The following AMN1 variants were observed in gnomAD, a reference collection of about 807,000 sequenced individuals.
AMN1 encodes protein AMN1 homolog.
A neutral mutation model predicts 33.0 loss-of-function variants in AMN1; 20 were observed. That is an observed-to-expected ratio of 0.61 (90% CI 0.43 to 0.88). AMN1 has a LOEUF of 0.88. Among genes scored for constraint, AMN1 ranks in the 40% least tolerant of loss-of-function variants. AMN1 has a pLI of 0.00. For synonymous variants in AMN1, 114 were observed against 111.9 expected (o/e 1.02, Z -0.12); for missense variants, 246 against 307.4 (o/e 0.80, Z 1.49).
intron 1 of AMN1, chr12:31,715,869 C>T (rs1405441364): frequency 6.6e-6 from 1 of 152,664 alleles, no homozygotes; most frequent in Non-Finnish European, 1.5e-5. Context: ...CACCTGACCA[C>T]ACTCTGAGCT....
intron 6 of AMN1, among the ~76,000 whole-genome samples, chr12:31,682,614 T>G (rs1381962870): frequency 6.6e-6 from 1 of 151,876 alleles, no homozygotes; most frequent in African/African-American, 2.4e-5. Context: ...AGACGTTGAG[T>G]GTAGTTTGCA....
At chr12:31,690,499 G>A (rs60663805) in intron 5 of AMN1, among the ~76,000 whole-genome samples, 2,761 of 152,092 alleles carry the variant, frequency 0.018, 75 homozygotes, top group African/African-American at 0.063. Flanking sequence ...TTGCATTTCC[G>A]TAATCACAAA....
At chr12:31,686,676 A>G (rs1310408919) in intron 6 of AMN1, among the ~76,000 whole-genome samples, 1 of 152,210 alleles carries the variant, frequency 6.6e-6, no homozygotes, top group Non-Finnish European at 1.5e-5. Context: ...ATTTTTTAAT[A>G]AAGTGTTGAC....
Position 31,697,941 on chromosome 12 carries a change from A to T in AMN1, c.333T>A (p.Ala111=). The change falls in exon 4 of 7, where the codon GCT becomes GCA. Residue 111 remains alanine, a synonymous_variant. Transcript: ENST00000281471. ...CTTCGTGTAGGTATGAACAAGATGA[A>T]GCCACAGCTTTTATTCCTGGGGGAA... ...SVTSEGIKAV[A]SSCSYLHEAS... 1 of 1,613,970 alleles carries T rather than the reference A, an allele frequency of 6.2e-7. No homozygotes were observed. The highest frequency in any genetic ancestry group is 8.5e-7 in the Non-Finnish European group (1 of 1,179,842).
At chr12:31,689,513 G>A (rs1938410032) in intron 5 of AMN1, among the ~76,000 whole-genome samples, 1 of 152,096 alleles carries the variant, frequency 6.6e-6, no homozygotes, top group South Asian at 2.1e-4. Context: ...CAGCTAAAAT[G>A]AAAAATATCT....
chr12:31,678,363 A>G (rs1937832045), intron 6 of AMN1, among the ~76,000 whole-genome samples: 1 of 150,788 alleles, frequency 6.6e-6, no homozygotes, highest in Non-Finnish European at 1.5e-5. Context: ...TTGGAACACC[A>G]AGAAGAAGAA....
intron 5 of AMN1, among the ~76,000 whole-genome samples, chr12:31,696,565 T>G (rs2139685024): frequency 6.6e-6 from 1 of 152,246 alleles, no homozygotes; most frequent in Admixed American, 6.5e-5. Flanking sequence ...ATAAAAGGCT[T>G]CTTAATATAT....
At position 31,687,999 on chromosome 12, in the gene AMN1, G is replaced by C. The variant is rs1938340309; in HGVS notation, c.703+1008C>G. Among the ~76,000 whole-genome samples, 1 of 152,162 alleles carries C rather than the reference G, an allele frequency of 6.6e-6. No individual in the cohort carries two copies. Among genetic ancestry groups the C allele is most frequent in the South Asian group, 2.1e-4 (1 of 4,828 alleles). ...GACGGAGTTTCGCTCTTGTTGCCCAGGCTGGAATGCAATGGCGTGATCTCA... is the reference window on the plus strand; with the variant it reads ...GACGGAGTTTCGCTCTTGTTGCCCACGCTGGAATGCAATGGCGTGATCTCA... On this transcript the variant is annotated intron_variant, in intron 6 of 6. Transcript: ENST00000281471. This position sits in a 1 kb window ranked among gnomAD's most constrained non-coding sequence, Gnocchi z 4.1.
chr12:31,697,625 T>C (rs1938788144), intron 4 of AMN1, 115 bp downstream of exon 4: 1 of 1,176,096 alleles, frequency 8.5e-7, no homozygotes, highest in African/African-American at 1.5e-5. Context: ...AAGCATGAAG[T>C]GGTCAATAGT....
At chr12:31,722,254 A>G (rs987321500) in intron 1 of AMN1, among the ~76,000 whole-genome samples, 6 of 151,978 alleles carry the variant, frequency 3.9e-5, no homozygotes, top group African/African-American at 1.2e-4. Flanking sequence ...TGTTCAACCA[A>G]CGCCAGTCAC....
chr12:31,689,614 T>C (rs1298753570), intron 5 of AMN1, among the ~76,000 whole-genome samples: 1 of 152,204 alleles, frequency 6.6e-6, no homozygotes, highest in Non-Finnish European at 1.5e-5. Context: ...AACATGTATT[T>C]GCTATATGAC....
intron 2 of AMN1, 49 bp downstream of exon 2, chr12:31,709,244 C>A (rs757797225): frequency 6.3e-7 from 1 of 1,594,556 alleles, no homozygotes; most frequent in Non-Finnish European, 8.6e-7. Context: ...AAAACCATAT[C>A]TAAACAGAAA....
chr12:31,688,918 G>T (rs1938383942), intron 6 of AMN1, 89 bp downstream of exon 6: 1 of 745,574 alleles, frequency 1.3e-6, no homozygotes, highest in Non-Finnish European at 2.2e-6. Context: ...TGAGGAAACT[G>T]AATAATGAAA....
intron 3 of AMN1, among the ~76,000 whole-genome samples, chr12:31,701,102 C>A (rs1292220175): frequency 6.6e-6 from 1 of 151,722 alleles, no homozygotes; most frequent in African/African-American, 2.4e-5. Flanking sequence ...TAGGTTCAAG[C>A]GATTCTCCTA....
intron 6 of AMN1, among the ~76,000 whole-genome samples, chr12:31,679,643 A>T (rs1028486134): frequency 6.6e-6 from 1 of 152,210 alleles, no homozygotes; most frequent in Admixed American, 6.5e-5. Context: ...CCTGCCTCTC[A>T]GGGTAAAACA....
rs143835184 is a variant in AMN1 at position 31,728,361 on chromosome 12, A to G, written c.38+610T>C. Among the ~76,000 whole-genome samples the G allele has an allele frequency of 5.3e-5, 8 of 152,298 alleles. 2 individuals are homozygous for G. Among genetic ancestry groups the G allele is most frequent in the African/African-American group, 1.9e-4 (8 of 41,562 alleles). On this transcript the variant is annotated intron_variant, in intron 1 of 6. Coordinates refer to ENST00000281471, the MANE Select transcript of AMN1 (RefSeq NM_001113402.2). ...TGCTGGGCATCCTTATAAGGGTTTT[A>G]CATGTTTTAAATTTATCCCTCAGGA...
chr12:31,679,676 T>C (rs915721492), intron 6 of AMN1, among the ~76,000 whole-genome samples: 1 of 152,226 alleles, frequency 6.6e-6, no homozygotes. Flanking sequence ...AACTGCTTTA[T>C]TGCCCTTCTA....
chr12:31,672,996 A>G (rs1454619127), intron 6 of AMN1: 2 of 152,304 alleles, frequency 1.3e-5, no homozygotes, highest in African/African-American at 2.4e-5. Flanking sequence ...AATCTATATT[A>G]TTGGACATTT....
intron 5 of AMN1, among the ~76,000 whole-genome samples, chr12:31,695,738 C>T (rs1370655152): frequency 6.6e-6 from 1 of 151,578 alleles, no homozygotes; most frequent in Non-Finnish European, 1.5e-5. Flanking sequence ...CCACCTGTCT[C>T]GGCCTCCCAA....
Sources: allele counts gnomAD v4.1 joint callset (sites outside exome capture counted in the v4.1 genomes callset), GRCh38; gene constraint gnomAD v4.1.1; non-coding constraint Gnocchi (gnomAD v3.1); transcripts MANE v1.5; gene names NCBI Gene and HGNC (gene_info 2026-07-23, HGNC 2026-07-21).